Variants in ARHGAP27 observed in about 807,000 individuals in gnomAD.
ARHGAP27 encodes Rho GTPase activating protein 27, also known as rho GTPase-activating protein 27.
In ARHGAP27, 53 loss-of-function variants were observed where a neutral mutation model predicts 102.0. That is an observed-to-expected ratio of 0.52 (90% CI 0.42 to 0.65). ARHGAP27 has a LOEUF of 0.65. Ranked by LOEUF, ARHGAP27 falls within the 30% of genes least tolerant of loss-of-function variation. The pLI is 0.00. For synonymous variants in ARHGAP27, 525 were observed against 542.8 expected (o/e 0.97, Z 0.46); for missense variants, 1,117 against 1,256.2 (o/e 0.89, Z 1.68).
At chr17:45,421,354 C>T (rs905203025) in intron 4 of ARHGAP27, among the ~76,000 whole-genome samples, 12 of 150,606 alleles carry the variant, frequency 8.0e-5, no homozygotes, top group African/African-American at 2.5e-4. Context: ...CGGTGGCGTG[C>T]GCCTGTATTC....
chr17:45,415,443 C>T (rs1298215185), intron 4 of ARHGAP27, among the ~76,000 whole-genome samples: 3 of 152,212 alleles, frequency 2.0e-5, no homozygotes, highest in South Asian at 4.1e-4. Flanking sequence ...CCAGCCCCAC[C>T]GGCTGTAGAT....
At chr17:45,410,281 T>G in intron 4 of ARHGAP27, 1 of 1,532,684 alleles carries the variant, frequency 6.5e-7, no homozygotes, top group Non-Finnish European at 8.7e-7. Context: ...GGCGATTATG[T>G]CCACCATCCT....
At chr17:45,397,210 C>T in intron 13 of ARHGAP27, 186 bp from the exon 14 acceptor site, 1 of 1,431,412 alleles carries the variant, frequency 7.0e-7, no homozygotes, top group Non-Finnish European at 9.1e-7. Context: ...ACATTCACCT[C>T]CCTTAGCTGC....
At chr17:45,416,699 C>A (rs2048494426) in intron 4 of ARHGAP27, among the ~76,000 whole-genome samples, 1 of 151,278 alleles carries the variant, frequency 6.6e-6, no homozygotes, top group Non-Finnish European at 1.5e-5. Flanking sequence ...AGGCGCCCAC[C>A]ACCACACTCA....
Position 45,403,657 on chromosome 17 carries a change from A to T in ARHGAP27, c.1600T>A (p.Phe534Ile). The T allele has an allele frequency of 6.2e-7, 1 of 1,614,036 alleles. No homozygotes were observed. Among genetic ancestry groups the T allele is most frequent in the Non-Finnish European group, 8.5e-7 (1 of 1,179,994 alleles). ...GCCGAGGTCTTTGAGTCCTTGAAGA[A>T]TGTCAGGACGCCACCCTCCAGCACA... is the stretch of plus-strand genomic sequence containing the variant. Reference protein sequence around the residue: ...WTVLEGGVLTFFKDSKTSAAG... With the variant: ...WTVLEGGVLTIFKDSKTSAAG... The change falls in exon 11 of 20, where the codon TTC becomes ATC. Residue 534 changes from phenylalanine to isoleucine, a missense_variant. Transcript: ENST00000685559.
rs920569552 is a variant in ARHGAP27 at position 45,430,605 on chromosome 17, C to T, written c.-18-308G>A. Among the ~76,000 whole-genome samples the T allele has an allele frequency of 3.3e-5, 5 of 152,156 alleles. No individual in the cohort carries two copies. The highest frequency in any genetic ancestry group is 1.5e-5 in the Non-Finnish European group (1 of 68,008). On this transcript the variant is annotated intron_variant, in intron 3 of 19. Coordinates refer to ENST00000685559, the MANE Select transcript of ARHGAP27 (RefSeq NM_001282290.2). The surrounding 1 kb of genome is among the most constrained non-coding windows in gnomAD (Gnocchi z 4.4). ...GGTCCAAATCGACTGCGAGGGAAGCCTTGGCTTTAAAACGAGGGGTGATTG... is the reference window on the plus strand; with the variant it reads ...GGTCCAAATCGACTGCGAGGGAAGCTTTGGCTTTAAAACGAGGGGTGATTG...
Position 45,396,032 on chromosome 17 carries a change from G to A in ARHGAP27, c.2337C>T (p.Pro779=), listed in dbSNP as rs764400182. 5 of 1,613,706 alleles carry A rather than the reference G, an allele frequency of 3.1e-6. No homozygotes were observed. The highest frequency in any genetic ancestry group is 4.2e-6 in the Non-Finnish European group (5 of 1,179,856). The stretch of plus-strand genomic sequence containing the variant: ...AGTGCGAGAAGGGGAAGAGGGGCTC[G>A]GGCAGCTCCCGAAAGAAGAGCTTCA... The part of the protein sequence containing the change: ...GALKLFFREL[P]EPLFPFSHFR... The change falls in exon 18 of 20, where the codon CCC becomes CCT. Residue 779 remains proline (P), a synonymous_variant. Coordinates refer to ENST00000685559, the MANE Select transcript of ARHGAP27 (RefSeq NM_001282290.2).
chr17:45,424,838 C>G (rs2049401036), intron 4 of ARHGAP27, among the ~76,000 whole-genome samples: 1 of 152,188 alleles, frequency 6.6e-6, no homozygotes, highest in Admixed American at 6.5e-5. Context: ...AAAAACAGGT[C>G]TAGAGTGAGG....
Position 45,432,205 on chromosome 17 carries a change from T to C in ARHGAP27, c.-151+11A>G. ...CAAATCCGCCCGCTCCGGGCCCACC[T>C]CTTCCCTCACCAGGGCCTTTCCCGG... On this transcript the variant is annotated intron_variant, in intron 2 of 19. Transcript: ENST00000685559. The C allele has an allele frequency of 5.9e-6, 1 of 169,800 alleles. No individual in the cohort carries two copies. Among genetic ancestry groups the C allele is most frequent in the South Asian group, 9.5e-5 (1 of 10,496 alleles). 10.5% of individuals were successfully genotyped at this position (169,800 alleles called of 1,614,324 possible).
At chr17:45,395,898 G>A (rs913197377) in intron 18 of ARHGAP27, 49 bp from the exon 19 acceptor site, 5 of 1,575,408 alleles carry the variant, frequency 3.2e-6, no homozygotes, top group East Asian at 4.7e-5. Flanking sequence ...GGAGGTAGGG[G>A]GTATCGGCTG....
In ARHGAP27 at chr17:45,430,271, C is replaced by T. The variant is rs940731755; in HGVS notation, c.9G>A (p.Ala3=). MA[A]DVVGDVYVLV... ...GCACGTACACGTCCCCCACCACGTC[C>T]GCCGCCATCGCAGCCGCGGCGTTTT... is the stretch of plus-strand genomic sequence containing the variant. The change falls in exon 4 of 20, where the codon GCG becomes GCA. Residue 3 remains alanine (A), a synonymous_variant. Transcript: ENST00000685559. The surrounding 1 kb of genome is among the most constrained non-coding windows in gnomAD (Gnocchi z 4.4). 8 of 1,573,628 alleles carry T rather than the reference C, an allele frequency of 5.1e-6. No individual in the cohort carries two copies. The highest frequency in any genetic ancestry group is 6.8e-6 in the Non-Finnish European group (8 of 1,168,446).
intron 4 of ARHGAP27, among the ~76,000 whole-genome samples, chr17:45,407,141 G>A (rs182179145): frequency 1.3e-5 from 2 of 152,074 alleles, no homozygotes; most frequent in South Asian, 4.1e-4. Context: ...GTCCCTCACC[G>A]GCCTGTGCTT....
chr17:45,397,294 C>T, intron 13 of ARHGAP27: 2 of 1,341,834 alleles, frequency 1.5e-6, no homozygotes, highest in Non-Finnish European at 1.9e-6. Flanking sequence ...CTCCTACCCA[C>T]CTGGTGCCTT....
intron 12 of ARHGAP27, among the ~76,000 whole-genome samples, chr17:45,399,319 G>A (rs548626863): frequency 1.4e-4 from 21 of 152,262 alleles, no homozygotes; most frequent in East Asian, 1.2e-3. Context: ...GAGGCTGGGC[G>A]CAGTGGCTCA....
In ARHGAP27 at chr17:45,395,024, G is replaced by A. The variant is rs2045422762; in HGVS notation, c.*432C>T. The A allele has an allele frequency of 4.9e-6, 1 of 205,084 alleles. No individual in the cohort carries two copies. The highest frequency in any genetic ancestry group is 8.3e-5 in the South Asian group (1 of 11,992). 12.7% of individuals were successfully genotyped at this position (205,084 alleles called of 1,614,324 possible). A position where few individuals can be genotyped will look rare whatever the true frequency, so the allele number is the denominator to read the frequency against. The stretch of plus-strand genomic sequence containing the variant: ...AGAGCTGCCTCATGACTGGCACAGT[G>A]CCAGCACAGGGCCAGGGCCCACAGG... On this transcript the variant is annotated 3_prime_UTR_variant, in exon 20 of 20. Coordinates refer to ENST00000685559, the MANE Select transcript of ARHGAP27 (RefSeq NM_001282290.2).
At chr17:45,428,075 T>C (rs1483061435) in intron 4 of ARHGAP27, among the ~76,000 whole-genome samples, 4 of 152,216 alleles carry the variant, frequency 2.6e-5, no homozygotes. Context: ...TGCACTCTGT[T>C]TGAGCCAGAC....
chr17:45,425,505 G>T, intron 4 of ARHGAP27: 16 of 957,720 alleles, frequency 1.7e-5, no homozygotes, highest in Non-Finnish European at 2.0e-5. Context: ...GGAAAGGGAG[G>T]GGAGAGATTG....
chr17:45,430,196 G>T lies in ARHGAP27; in HGVS notation c.84C>A (p.Ala28=). The change falls in exon 4 of 20, where the codon GCC becomes GCA. Residue 28 remains alanine (A), a synonymous_variant. Transcript: ENST00000685559. The surrounding 1 kb of genome is among the most constrained non-coding windows in gnomAD (Gnocchi z 4.4). ...GCCGGTAGCGCTCATTCGGCCGGAT[G>T]GCCACGCGGCGCCCGTCCTTGCCGG... is the stretch of plus-strand genomic sequence containing the variant. ...EYTGKDGRRV[A]IRPNERYRLL... is the part of the protein sequence containing the mutation. 7.1e-6 allele frequency: 11 copies of T among 1,550,714 alleles called. No homozygotes were observed. Among genetic ancestry groups the T allele is most frequent in the Non-Finnish European group, 9.5e-6 (11 of 1,155,860 alleles).
chr17:45,429,563 C>T (rs2049895777), intron 4 of ARHGAP27, 60 bp downstream of exon 4: 1 of 1,564,408 alleles, frequency 6.4e-7, no homozygotes, highest in Non-Finnish European at 8.6e-7. Context: ...GCCCCGGCTC[C>T]GTGCGGGCGC....
Sources: gnomAD v4.1 joint callset for allele counts (sites outside exome capture counted in the v4.1 genomes callset) on GRCh38, gnomAD v4.1.1 for gene constraint, Gnocchi (gnomAD v3.1) non-coding constraint, MANE v1.5 for transcripts, NCBI Gene and HGNC (gene_info 2026-07-23, HGNC 2026-07-21) for gene names.